Variants in PRMT9 observed in about 807,000 individuals in gnomAD.
PRMT9 encodes the protein protein arginine methyltransferase 9, also known as protein arginine N-methyltransferase 9.
In PRMT9, 59 loss-of-function variants were observed where a neutral mutation model predicts 83.2. That is an observed-to-expected ratio of 0.71 (90% CI 0.57 to 0.88). The LOEUF (loss-of-function observed/expected upper bound fraction) is 0.88, where lower values mean the gene tolerates loss of function less well. Ranked by LOEUF, PRMT9 falls within the 40% of genes least tolerant of loss-of-function variation. The probability of loss-of-function intolerance (pLI) is 0.00; values close to 1 mark genes in which losing one functional copy is unlikely to be tolerated. For synonymous variants in PRMT9, 333 were observed against 353.2 expected, an observed-to-expected ratio of 0.94 and a Z score of 0.64; for missense variants, 947 against 1,021.9, an observed-to-expected ratio of 0.93 and a Z score of 1.00.
At chr4:147,667,809 T>G (rs956492833) in intron 6 of PRMT9, among the ~76,000 whole-genome samples, 1 of 152,168 alleles carries the variant, frequency 6.6e-6, no homozygotes, top group Non-Finnish European at 1.5e-5. Flanking sequence ...AAAGGGAAAT[T>G]GAAGTAATTA....
At chr4:147,680,264 T>C in intron 2 of PRMT9, 59 bp downstream of exon 2, 2 of 1,491,692 alleles carry the variant, frequency 1.3e-6, no homozygotes, top group Non-Finnish European at 1.9e-6. Flanking sequence ...GTATGATTTA[T>C]CCCTATCCAG....
At chr4:147,680,548 T>G in intron 1 of PRMT9, 77 bp from the exon 2 acceptor site, 2 of 1,124,362 alleles carry the variant, frequency 1.8e-6, no homozygotes, top group South Asian at 2.7e-5. Flanking sequence ...AGTTGAAGAT[T>G]CCAAGCAATC....
intron 4 of PRMT9, among the ~76,000 whole-genome samples, chr4:147,671,360 A>G (rs965900943): frequency 6.6e-6 from 1 of 152,158 alleles, no homozygotes; most frequent in African/African-American, 2.4e-5. Flanking sequence ...TCTTAGAAAA[A>G]GCCTCGTCCA....
In PRMT9 at chr4:147,654,303, G is replaced by C. The variant is rs759003872; in HGVS notation, c.1594C>G (p.Pro532Ala). The C allele has an allele frequency of 2.0e-5, 32 of 1,614,010 alleles. No individual in the cohort carries two copies. Among genetic ancestry groups the C allele is most frequent in the Non-Finnish European group, 2.5e-5 (30 of 1,180,026 alleles). ...STEIALLNNI[P>A]YHEGFKMAMS... Reference sequence around the variant, plus strand: ...GCCATTTTAAAGCCTTCATGATATGGGATGTTGTTAAGCAAAGCAATTTCT... The same window carrying C: ...GCCATTTTAAAGCCTTCATGATATGCGATGTTGTTAAGCAAAGCAATTTCT... Residue 532 changes from proline (P) to alanine (A), a missense_variant, in exon 9 of 12, where the codon CCA becomes GCA. Transcript: ENST00000322396.
chr4:147,669,980 T>C (rs1735621848), intron 5 of PRMT9, among the ~76,000 whole-genome samples: 1 of 152,194 alleles, frequency 6.6e-6, no homozygotes, highest in African/African-American at 2.4e-5. Context: ...GCCAAAATTC[T>C]AGGCAGTGAG....
chr4:147,642,866 G>A lies in PRMT9; in HGVS notation c.2120C>T (p.Thr707Ile), dbSNP rs778872333. Residue 707 changes from threonine to isoleucine, a missense_variant, in exon 10 of 12, where the codon ACA becomes ATA. Thr to Ile is a moderately conservative substitution (Grantham distance 89, BLOSUM62 -1). Coordinates refer to ENST00000322396, the MANE Select transcript of PRMT9 (RefSeq NM_138364.4). ...TTGAACAGCATTCTCCTCTAGGAGT[G>A]TCTGTGATTCCACAAGCAACCCAAA... ...LMFGLLVESQTLLEENAVQGT... is the reference protein window; with the variant it reads ...LMFGLLVESQILLEENAVQGT... 45 of 1,613,608 alleles carry A rather than the reference G, an allele frequency of 2.8e-5. No homozygotes were observed. The highest frequency in any genetic ancestry group is 3.7e-5 in the Non-Finnish European group (44 of 1,179,580).
chr4:147,672,985 T>A lies in PRMT9; in HGVS notation c.717A>T (p.Ile239=). 6 of 1,613,892 alleles carry A rather than the reference T, an allele frequency of 3.7e-6. No homozygotes were observed. Among genetic ancestry groups the A allele is most frequent in the Non-Finnish European group, 5.1e-6 (6 of 1,179,808 alleles). ...IKLLHTKSLD[I]EIPKHIPERV... The stretch of plus-strand genomic sequence containing the variant: ...TTTCGGGAATATGTTTTGGAATCTC[T>A]ATGTCAAGTGACTTCGTATGTAAGA... Residue 239 remains isoleucine, a synonymous_variant, in exon 4 of 12, where the codon ATA becomes ATT. Transcript: ENST00000322396.
In PRMT9 at chr4:147,657,944, T is replaced by G; in HGVS notation, c.1178A>C (p.Asp393Ala). The G allele has an allele frequency of 6.2e-7, 1 of 1,607,430 alleles. No individual in the cohort carries two copies. Among genetic ancestry groups the G allele is most frequent in the Non-Finnish European group, 8.5e-7 (1 of 1,177,182 alleles). The change falls in exon 8 of 12, where the codon GAT (aspartate) becomes GCT (alanine). Residue 393 changes from aspartate to alanine, a missense_variant. Asp to Ala is a moderately radical substitution (Grantham distance 126). Transcript: ENST00000322396. Reference sequence around the variant, plus strand: ...TTTAATAACAGGAATACCAATCTTATCAGGCTTTTTAGTTGCAAGACTTTT... The same window carrying G: ...TTTAATAACAGGAATACCAATCTTAGCAGGCTTTTTAGTTGCAAGACTTTT... ...ELKSLATKKP[D>A]KIGIPVIKEG...
chr4:147,676,906 T>C (rs1403154058), intron 2 of PRMT9, among the ~76,000 whole-genome samples: 1 of 151,758 alleles, frequency 6.6e-6, no homozygotes, highest in South Asian at 2.1e-4. Flanking sequence ...TAGCCGGGCG[T>C]GGTGGCATGT....
chr4:147,682,119 C>T (rs907161579), intron 1 of PRMT9, among the ~76,000 whole-genome samples: 2 of 152,210 alleles, frequency 1.3e-5, no homozygotes, highest in Non-Finnish European at 2.9e-5. Context: ...AATTCTTCTG[C>T]GTCAGCCTCC....
At chr4:147,641,835 T>C (rs2126568499) in intron 10 of PRMT9, among the ~76,000 whole-genome samples, 1 of 152,218 alleles carries the variant, frequency 6.6e-6, no homozygotes, top group South Asian at 2.1e-4. Flanking sequence ...ATAATTTTTG[T>C]ATTTTTTGTA....
chr4:147,643,244 G>A (rs1228808135), intron 9 of PRMT9, among the ~76,000 whole-genome samples: 1 of 152,012 alleles, frequency 6.6e-6, no homozygotes, highest in African/African-American at 2.4e-5. Context: ...TATAGCCTGG[G>A]TGACAGAGTG....
At position 147,638,925 on chromosome 4, in the gene PRMT9, A is replaced by G. The variant is rs199739695; in HGVS notation, c.2322+35T>C. On this transcript the variant is annotated intron_variant, in intron 11 of 11. Transcript: ENST00000322396. ...TAATTTAAGATAATTATTCTAAACA[A>G]TAACAAACGAAATCATTTTGCATGT... 5.7e-6 allele frequency: 9 copies of G among 1,588,164 alleles called. No homozygotes were observed. The East Asian group carries it at 2.0e-4, about 36-fold the overall frequency.
Position 147,684,119 on chromosome 4 carries a change from G to T in PRMT9, c.-132C>A. The T allele has an allele frequency of 9.1e-7, 1 of 1,093,318 alleles. No homozygotes were observed. The highest frequency in any genetic ancestry group is 1.3e-6 in the Non-Finnish European group (1 of 747,872). The allele number at this position is 1,093,318 out of a possible 1,614,324, so 67.7% of individuals were successfully genotyped here. A position where few individuals can be genotyped will look rare whatever the true frequency, so the allele number is the denominator to read the frequency against. On this transcript the variant is annotated 5_prime_UTR_variant, in exon 1 of 12. Transcript: ENST00000322396. ...ACAGCAAAGTTACCCTCCGCCGCGG[G>T]TGAACTCGCCAACCCCAGCCCAGGC...
At chr4:147,653,774 T>C (rs1734283342) in intron 9 of PRMT9, 78 bp downstream of exon 9, 1 of 984,476 alleles carries the variant, frequency 1.0e-6, no homozygotes, top group Non-Finnish European at 1.6e-6. Context: ...AGTTAAGCGA[T>C]TAAAGAACTT....
intron 2 of PRMT9, among the ~76,000 whole-genome samples, chr4:147,677,861 A>T (rs1327013852): frequency 6.6e-6 from 1 of 152,218 alleles, no homozygotes; most frequent in Non-Finnish European, 1.5e-5. Flanking sequence ...ATAAATATTC[A>T]TACAACTTAT....
chr4:147,683,639 A>C (rs144371571), intron 1 of PRMT9, among the ~76,000 whole-genome samples, 160 bp downstream of exon 1: 2 of 149,396 alleles, frequency 1.3e-5, no homozygotes, highest in East Asian at 3.9e-4. Flanking sequence ...TTTTACGAGG[A>C]CGTTGGATCG....
At chr4:147,645,816 T>C (rs1344132006) in intron 9 of PRMT9, among the ~76,000 whole-genome samples, 1 of 152,188 alleles carries the variant, frequency 6.6e-6, no homozygotes, top group Non-Finnish European at 1.5e-5. Flanking sequence ...AAGTTAGAGA[T>C]GACTCCTAAG....
At chr4:147,648,395 GCTGAA>G (rs1733871522) in intron 9 of PRMT9, among the ~76,000 whole-genome samples, 1 of 152,184 alleles carries the variant, frequency 6.6e-6, no homozygotes, top group African/African-American at 2.4e-5. Flanking sequence ...CTTCCAGGTA[GCTGAA>G]CACATGGAGG....
Sources: allele counts gnomAD v4.1 joint callset (sites outside exome capture counted in the v4.1 genomes callset), GRCh38; gene constraint gnomAD v4.1.1; transcripts MANE v1.5; gene names NCBI Gene and HGNC (gene_info 2026-07-23, HGNC 2026-07-21).